The following ALDH2 variants were observed in gnomAD, a reference collection of about 807,000 sequenced individuals.
The protein encoded by ALDH2 is aldehyde dehydrogenase, mitochondrial.
A neutral mutation model predicts 59.6 loss-of-function variants in ALDH2; 44 were observed. The ratio of observed to expected loss-of-function variants is 0.74; its 90% CI spans 0.58 to 0.95. The LOEUF (loss-of-function observed/expected upper bound fraction) is 0.95. Among genes scored for constraint, ALDH2 ranks in the 40% least tolerant of loss-of-function variants. The pLI, the probability that ALDH2 is intolerant of heterozygous loss-of-function variation, is 0.00. For missense variants in ALDH2, 570 were observed against 696.3 expected (o/e 0.82, Z 2.04); for synonymous variants, 291 against 284.0 (o/e 1.02, Z -0.25).
At chr12:111,808,380 A>C (rs140871592) in intron 12 of ALDH2, among the ~76,000 whole-genome samples, 152 of 152,264 alleles carry the variant, frequency 1.0e-3, no homozygotes, top group African/African-American at 3.4e-3. Context: ...TTGATTGTGC[A>C]TAAATCATAT....
At chr12:111,807,253 A>G (rs1291294047) in intron 12 of ALDH2, among the ~76,000 whole-genome samples, 1 of 151,760 alleles carries the variant, frequency 6.6e-6, no homozygotes, top group Admixed American at 6.6e-5. Flanking sequence ...ACAGAGCGAG[A>G]CTCTGTCTCA....
intron 3 of ALDH2, 143 bp from the exon 4 acceptor site, chr12:111,785,124 T>C (rs1026424714): frequency 2.7e-6 from 2 of 727,924 alleles, no homozygotes; most frequent in Non-Finnish European, 5.0e-6. Flanking sequence ...CCAGAGATGC[T>C]AGTGACATTT....
chr12:111,789,907 T>C lies in ALDH2; in HGVS notation c.525T>C (p.Pro175=). 1 of 1,614,138 alleles carries C rather than the reference T, an allele frequency of 6.2e-7. No individual in the cohort carries two copies. The change falls in exon 5 of 13, where the codon CCT becomes CCC. Residue 175 remains proline, a synonymous_variant. Transcript: ENST00000261733. The part of the protein sequence containing the change: ...GDFFSYTRHE[P]VGVCGQIIPW... The stretch of plus-strand genomic sequence containing the variant: ...TCTTCAGCTACACACGCCATGAACC[T>C]GTGGGGGTGTGCGGGCAGATCATTC...
rs2068574656 is a variant in ALDH2 at position 111,817,248 on chromosome 12, A to G, written c.*7673A>G. The G allele has an allele frequency of 6.6e-6, 1 of 152,224 alleles. No individual in the cohort carries two copies. Among genetic ancestry groups the G allele is most frequent in the African/African-American group, 2.4e-5 (1 of 41,462 alleles). The allele number at this position is 152,224 out of a possible 1,614,324, so 9.4% of individuals were successfully genotyped here. A position where few individuals can be genotyped will look rare whatever the true frequency, so the allele number is the denominator to read the frequency against. On this transcript the variant is annotated 3_prime_UTR_variant, in exon 13 of 13. Coordinates refer to ENST00000261733, the MANE Select transcript of ALDH2 (RefSeq NM_000690.4). The stretch of plus-strand genomic sequence containing the variant: ...CAAGGAAACAATAGCAAAAATTATC[A>G]TGCCTAAGGCTCTATGGGCACAATG...
At chr12:111,803,197 C>CA (rs2068467917) in intron 11 of ALDH2, among the ~76,000 whole-genome samples, 1 of 141,938 alleles carries the variant, frequency 7.0e-6, no homozygotes, top group Non-Finnish European at 1.5e-5. Context: ...AAAATAATCT[C>CA]AAAAAATAAT....
chr12:111,779,400 G>A (rs755325468), intron 1 of ALDH2, among the ~76,000 whole-genome samples: 1 of 150,482 alleles, frequency 6.6e-6, no homozygotes, highest in Non-Finnish European at 1.5e-5. Flanking sequence ...ATGTTACTCA[G>A]GTTGGTCTCA....
chr12:111,784,200 G>A (rs1001636736), intron 3 of ALDH2, among the ~76,000 whole-genome samples: 2 of 152,190 alleles, frequency 1.3e-5, no homozygotes, highest in Non-Finnish European at 2.9e-5. Flanking sequence ...TGTAGTCCTA[G>A]CTACATGGTA....
intron 11 of ALDH2, among the ~76,000 whole-genome samples, chr12:111,803,212 A>G (rs1443802567): frequency 1.3e-5 from 2 of 150,784 alleles, no homozygotes; most frequent in African/African-American, 4.8e-5. Context: ...AATAATAATA[A>G]TAAATAAAAA....
At chr12:111,786,256 A>G (rs2068307816) in intron 4 of ALDH2, among the ~76,000 whole-genome samples, 1 of 152,002 alleles carries the variant, frequency 6.6e-6, no homozygotes, top group Non-Finnish European at 1.5e-5. Context: ...TTATTTTTTG[A>G]GATGGAGTCT....
chr12:111,803,820 C>A, intron 11 of ALDH2, 39 bp from the exon 12 acceptor site: 1 of 1,494,444 alleles, frequency 6.7e-7, no homozygotes, highest in Non-Finnish European at 9.2e-7. Flanking sequence ...AACCCATAAC[C>A]CCCAAGAGTG....
chr12:111,803,992 G>A lies in ALDH2; in HGVS notation c.1521+19G>A. ...GAAAACTGTGAGTGTGGGACCTGCT[G>A]GGGGCTCAGGGCCTGTTGGGGCTTG... On this transcript the variant is annotated intron_variant, in intron 12 of 12. Transcript: ENST00000261733. 6.3e-7 allele frequency: 1 copy of A among 1,574,956 alleles called. No individual in the cohort carries two copies. Among genetic ancestry groups the A allele is most frequent in the Non-Finnish European group, 8.7e-7 (1 of 1,155,554 alleles).
rs548639470 is a variant in ALDH2, at chr12:111,817,384, A to C, written c.*7809A>C. ...CCAGGGATGCGACCCAAAATTATCA[A>C]AGTAGAGACATTATGTGTTTGCAAT... On this transcript the variant is annotated 3_prime_UTR_variant, in exon 13 of 13. Coordinates refer to ENST00000261733, the MANE Select transcript of ALDH2 (RefSeq NM_000690.4). The C allele has an allele frequency of 6.6e-6, 1 of 152,326 alleles. No individual in the cohort carries two copies. Among genetic ancestry groups the C allele is most frequent in the East Asian group, 1.9e-4 (1 of 5,192 alleles). 9.4% of individuals were successfully genotyped at this position (152,326 alleles called of 1,614,324 possible).
At chr12:111,803,129 A>C (rs1280795555) in intron 11 of ALDH2, among the ~76,000 whole-genome samples, 1 of 150,984 alleles carries the variant, frequency 6.6e-6, no homozygotes, top group Non-Finnish European at 1.5e-5. Flanking sequence ...AGGTTGCAGT[A>C]AGCTGAGATC....
At chr12:111,782,993 C>G (rs757859004) in intron 2 of ALDH2, among the ~76,000 whole-genome samples, 165 bp from the exon 3 acceptor site, 1 of 152,186 alleles carries the variant, frequency 6.6e-6, no homozygotes, top group Non-Finnish European at 1.5e-5. Context: ...TTGCTGAAGT[C>G]TGGTGCTCAT....
intron 12 of ALDH2, among the ~76,000 whole-genome samples, chr12:111,805,238 C>T (rs1387989574): frequency 6.6e-6 from 1 of 152,034 alleles, no homozygotes; most frequent in Non-Finnish European, 1.5e-5. Context: ...AAAGGAAAAA[C>T]TGGAGCGTGG....
intron 4 of ALDH2, among the ~76,000 whole-genome samples, chr12:111,789,358 TG>T (rs971222162): frequency 6.6e-5 from 10 of 151,006 alleles, no homozygotes; most frequent in African/African-American, 2.4e-4. Context: ...TCAGGCATGG[TG>T]GCAGGTGCCT....
chr12:111,809,536 C>A lies in ALDH2; in HGVS notation c.1522-7C>A. ...AAGATCTAACGGCTTCTCTGTCCCC[C>A]TTACAGGTCACAGTCAAAGTGCCTC... On this transcript the variant is annotated splice_polypyrimidine_tract_variant and splice_region_variant and intron_variant, in intron 12 of 12. Coordinates refer to ENST00000261733, the MANE Select transcript of ALDH2 (RefSeq NM_000690.4). 6.2e-7 allele frequency: 1 copy of A among 1,614,174 alleles called. No homozygotes were observed. Among genetic ancestry groups the A allele is most frequent in the South Asian group, 1.1e-5 (1 of 91,088 alleles).
intron 11 of ALDH2, 97 bp from the exon 12 acceptor site, chr12:111,803,762 A>G: frequency 1.3e-6 from 1 of 787,288 alleles, no homozygotes; most frequent in Non-Finnish European, 1.8e-6. Context: ...TTTTTAAGTT[A>G]AAAATAAAAT....
chr12:111,790,681 CA>C, intron 6 of ALDH2, 119 bp downstream of exon 6: 1 of 1,364,578 alleles, frequency 7.3e-7, no homozygotes, highest in Non-Finnish European at 1.0e-6. Flanking sequence ...GAGCCCCCAT[CA>C]CCATGTGAAC....
Sources: gnomAD v4.1 joint callset for allele counts (sites outside exome capture counted in the v4.1 genomes callset) on GRCh38, gnomAD v4.1.1 for gene constraint, MANE v1.5 for transcripts, NCBI Gene and HGNC (gene_info 2026-07-23, HGNC 2026-07-21) for gene names.